The following CFAP263 variants were observed in gnomAD, a reference collection of about 807,000 sequenced individuals.
The protein encoded by CFAP263 is cilia and flagella associated protein 263.
At chr16:58,273,756 G>A in the CFAP263 span, among the ~76,000 whole-genome samples, 1 of 152,148 alleles carries the variant, frequency 6.6e-6, no homozygotes, top group East Asian at 1.9e-4. Flanking sequence ...TTTGTTGGAA[G>A]CTGTATATTT....
the CFAP263 span, among the ~76,000 whole-genome samples, chr16:58,275,520 T>G: frequency 1.3e-5 from 2 of 152,172 alleles, no homozygotes; most frequent in Non-Finnish European, 2.9e-5. Context: ...AAATTCTGAA[T>G]GAGTAAATGA....
At chr16:58,260,913 A>G in the CFAP263 span, among the ~76,000 whole-genome samples, 1 of 152,148 alleles carries the variant, frequency 6.6e-6, no homozygotes, top group African/African-American at 2.4e-5. Context: ...CAGGTACAGG[A>G]TGGCTTAGCT....
chr16:58,257,014 CTTTTTTTT>C, the CFAP263 span, among the ~76,000 whole-genome samples: 39 of 41,920 alleles, frequency 9.3e-4, 10 homozygotes, highest in South Asian at 0.069. Context: ...ATATGAATTT[CTTTTTTTT>C]TTTTTTTTTT....
chr16:58,259,793 A>C, the CFAP263 span: 1 of 1,132,408 alleles, frequency 8.8e-7, no homozygotes, highest in Non-Finnish European at 1.3e-6. Context: ...CCACTTTTCA[A>C]ACCAATGGGA....
chr16:58,250,173 C>A, the CFAP263 span: 1 of 1,095,382 alleles, frequency 9.1e-7, no homozygotes. Context: ...CCTCTCCGGG[C>A]GGCCTCGGAC....
chr16:58,262,547 C>T, the CFAP263 span: 5 of 1,591,098 alleles, frequency 3.1e-6, no homozygotes, highest in African/African-American at 6.7e-5. Context: ...CAAAGTAAGG[C>T]CATCCCTGAT....
chr16:58,280,114 G>T, the CFAP263 span: 9 of 1,122,088 alleles, frequency 8.0e-6, no homozygotes, highest in South Asian at 1.2e-4. Flanking sequence ...GGGCTTATCC[G>T]TGGCAGCCCC....
At chr16:58,271,238 C>G in the CFAP263 span, among the ~76,000 whole-genome samples, 1 of 152,070 alleles carries the variant, frequency 6.6e-6, no homozygotes, top group African/African-American at 2.4e-5. Flanking sequence ...TTTTGTTAAT[C>G]TGGGAATGTC....
the CFAP263 span, chr16:58,280,763 A>T: frequency 1.9e-6 from 3 of 1,593,644 alleles, no homozygotes; most frequent in Non-Finnish European, 2.6e-6. Flanking sequence ...TCCCCCTGTG[A>T]TAAAAGACAG....
At chr16:58,260,415 A>T in the CFAP263 span, among the ~76,000 whole-genome samples, 1 of 152,220 alleles carries the variant, frequency 6.6e-6, no homozygotes, top group Non-Finnish European at 1.5e-5. Context: ...AATTTGCATT[A>T]AAACCACGAG....
At chr16:58,279,762 C>T in the CFAP263 span, 1 of 1,613,236 alleles carries the variant, frequency 6.2e-7, no homozygotes, top group African/African-American at 1.3e-5. Flanking sequence ...AGGCAGATTA[C>T]CTTGCTGGGA....
At chr16:58,256,889 T>G in the CFAP263 span, among the ~76,000 whole-genome samples, 1 of 152,084 alleles carries the variant, frequency 6.6e-6, no homozygotes, top group East Asian at 1.9e-4. Flanking sequence ...TGTAGAATGT[T>G]GAAAAATACA....
the CFAP263 span, chr16:58,267,364 A>T: frequency 2.0e-4 from 148 of 742,862 alleles, no homozygotes; most frequent in African/African-American, 2.1e-3. Flanking sequence ...GAGAAAGGCA[A>T]TTTGGACTTT....
At chr16:58,280,369 T>C in the CFAP263 span, 1 of 1,614,188 alleles carries the variant, frequency 6.2e-7, no homozygotes, top group Non-Finnish European at 8.5e-7. Flanking sequence ...TACAGACGCC[T>C]CAGGAGACCT....
chr16:58,254,197 C>T, the CFAP263 span: 15 of 1,607,970 alleles, frequency 9.3e-6, no homozygotes, highest in Non-Finnish European at 1.3e-5. Context: ...CCTGCCCAGG[C>T]TCCCCACCTC....
the CFAP263 span, among the ~76,000 whole-genome samples, chr16:58,269,918 C>T: frequency 6.6e-6 from 1 of 152,166 alleles, no homozygotes; most frequent in Non-Finnish European, 1.5e-5. Flanking sequence ...AGAAAAACTA[C>T]AAATCTGTTT....
chr16:58,281,613 G>A, the CFAP263 span: 1 of 152,250 alleles, frequency 6.6e-6, no homozygotes, highest in Non-Finnish European at 1.5e-5. Context: ...TCCGAGAAGG[G>A]GGTGGTCATC....
chr16:58,275,095 A>C, the CFAP263 span, among the ~76,000 whole-genome samples: 1 of 152,376 alleles, frequency 6.6e-6, no homozygotes, highest in African/African-American at 2.4e-5. Flanking sequence ...CTAAACAGAC[A>C]GGAGGTATTC....
At chr16:58,251,109 G>A in the CFAP263 span, among the ~76,000 whole-genome samples, 2 of 152,144 alleles carry the variant, frequency 1.3e-5, no homozygotes, top group Non-Finnish European at 2.9e-5. Context: ...CAGAACTGAG[G>A]TATTATTACT....
Sources: allele counts gnomAD v4.1 joint callset (sites outside exome capture counted in the v4.1 genomes callset), GRCh38; gene constraint gnomAD v4.1.1; transcripts MANE v1.5; gene names NCBI Gene and HGNC (gene_info 2026-07-23, HGNC 2026-07-21).